GLI2: variants seen among roughly 807,000 people sequenced by gnomAD.
GLI2 encodes GLI family zinc finger 2.
In GLI2, 22 loss-of-function variants were observed where a neutral mutation model predicts 78.9. The ratio of observed to expected loss-of-function variants is 0.28; its 90% CI spans 0.20 to 0.40. The LOEUF (loss-of-function observed/expected upper bound fraction) is 0.40. Ranked by LOEUF, GLI2 falls within the 10% of genes least tolerant of loss-of-function variation. GLI2 has a pLI of 1.00. For synonymous variants in GLI2, 974 were observed against 963.7 expected (o/e 1.01, Z -0.20); for missense variants, 2,097 against 2,213.2 (o/e 0.95, Z 1.05).
intron 3 of GLI2, among the ~76,000 whole-genome samples, chr2:120,947,538 C>T (rs1190955819): frequency 1.3e-5 from 2 of 152,180 alleles, no homozygotes; most frequent in African/African-American, 2.4e-5. Context: ...TCATTGATGG[C>T]TACGATGGCC....
chr2:120,810,008 G>A (rs1371865349), intron 2 of GLI2, among the ~76,000 whole-genome samples: 1 of 152,248 alleles, frequency 6.6e-6, no homozygotes, highest in Non-Finnish European at 1.5e-5. Context: ...GAGCATTTCA[G>A]GGTGACCCTG....
intron 2 of GLI2, among the ~76,000 whole-genome samples, chr2:120,873,363 T>C (rs1688564866): frequency 6.6e-6 from 1 of 152,268 alleles, no homozygotes; most frequent in Non-Finnish European, 1.5e-5. Flanking sequence ...CATTTCATGT[T>C]AATGAAAACA....
At chr2:120,964,507 GGAGTTTGAAAGGAGA>G (rs1287035484) in intron 5 of GLI2, among the ~76,000 whole-genome samples, 1 of 152,218 alleles carries the variant, frequency 6.6e-6, no homozygotes, top group Non-Finnish European at 1.5e-5. Flanking sequence ...TGCTAGGGGT[GGAGTTTGAAAGGAGA>G]GATTTTGAGA....
intron 2 of GLI2, among the ~76,000 whole-genome samples, chr2:120,893,745 A>G (rs963250201): frequency 2.0e-5 from 3 of 152,128 alleles, no homozygotes; most frequent in African/African-American, 4.8e-5. Flanking sequence ...TAGCAAACTA[A>G]TGTGGACAGG....
chr2:120,973,902 G>C (rs907055824), intron 8 of GLI2, among the ~76,000 whole-genome samples: 1 of 152,104 alleles, frequency 6.6e-6, no homozygotes, highest in Admixed American at 6.5e-5. Context: ...TCCATTCCCA[G>C]AAAGGGACTC....
chr2:120,986,254 G>A (rs974436432), intron 12 of GLI2, 24 bp from the exon 13 acceptor site: 3 of 1,606,136 alleles, frequency 1.9e-6, no homozygotes, highest in Non-Finnish European at 2.6e-6. Context: ...CTGAGTCTGA[G>A]CCTTCTTGCC....
intron 2 of GLI2, among the ~76,000 whole-genome samples, chr2:120,862,147 T>C (rs922751032): frequency 2.0e-5 from 3 of 151,998 alleles, no homozygotes; most frequent in African/African-American, 7.3e-5. Flanking sequence ...TATGTAATGG[T>C]GAAGGGGAGG....
chr2:120,897,617 T>A (rs1244110482), intron 2 of GLI2, among the ~76,000 whole-genome samples: 5 of 152,188 alleles, frequency 3.3e-5, no homozygotes, highest in Non-Finnish European at 7.3e-5. Context: ...CTTACCTGTG[T>A]CATAACAAAG....
chr2:120,850,627 G>A (rs1687359302), intron 2 of GLI2, among the ~76,000 whole-genome samples: 1 of 152,194 alleles, frequency 6.6e-6, no homozygotes, highest in Non-Finnish European at 1.5e-5. Context: ...CCCCCAAGAA[G>A]GGAATGATAG....
chr2:120,900,591 A>G (rs988031660), intron 2 of GLI2, among the ~76,000 whole-genome samples: 7 of 152,190 alleles, frequency 4.6e-5, no homozygotes, highest in Non-Finnish European at 7.3e-5. Flanking sequence ...CCTTGGCCCT[A>G]TGAGGGTTCT....
At chr2:120,794,073 G>A (rs7604784) in intron 1 of GLI2, among the ~76,000 whole-genome samples, 63,834 of 152,178 alleles carry the variant, frequency 0.42, 15,545 homozygotes, top group African/African-American at 0.68. Context: ...GGGCCTGGCT[G>A]TGGGAATGCT....
chr2:120,862,689 T>C (rs1030869265), intron 2 of GLI2, among the ~76,000 whole-genome samples: 2 of 152,130 alleles, frequency 1.3e-5, no homozygotes, highest in African/African-American at 4.8e-5. Flanking sequence ...CACAATATCT[T>C]ATTCATTATC....
intron 1 of GLI2, among the ~76,000 whole-genome samples, chr2:120,778,747 A>T (rs1359890697): frequency 6.6e-6 from 1 of 152,210 alleles, no homozygotes; most frequent in Admixed American, 6.5e-5. Flanking sequence ...TGGCACACCC[A>T]TGGCCTCTGG....
At chr2:120,829,833 G>C (rs370648431) in intron 2 of GLI2, among the ~76,000 whole-genome samples, 1 of 152,172 alleles carries the variant, frequency 6.6e-6, no homozygotes, top group South Asian at 2.1e-4. Context: ...CAGGGCTGGG[G>C]GCACTCAGAG....
intron 1 of GLI2, among the ~76,000 whole-genome samples, chr2:120,761,529 C>A (rs1477650137): frequency 6.6e-6 from 1 of 152,150 alleles, no homozygotes; most frequent in Non-Finnish European, 1.5e-5. Context: ...GCAACTGGAA[C>A]CCAGAGGGGG....
intron 2 of GLI2, among the ~76,000 whole-genome samples, chr2:120,890,849 C>G (rs1248831010): frequency 6.6e-6 from 1 of 152,214 alleles, no homozygotes; most frequent in Non-Finnish European, 1.5e-5. Flanking sequence ...GGGCACGGGT[C>G]CCCCCAAAGC....
At chr2:120,756,935 T>C (rs1158283976) in intron 1 of GLI2, among the ~76,000 whole-genome samples, 1 of 152,234 alleles carries the variant, frequency 6.6e-6, no homozygotes, top group African/African-American at 2.4e-5. Context: ...ATATGCTCTT[T>C]TTTAATGTTT....
chr2:120,945,303 C>A (rs1680655177), intron 3 of GLI2, among the ~76,000 whole-genome samples: 1 of 152,254 alleles, frequency 6.6e-6, no homozygotes, highest in South Asian at 2.1e-4. Context: ...CACAAACACA[C>A]ACACACGAGG....
chr2:120,811,537 C>T (rs1003084123), intron 2 of GLI2, among the ~76,000 whole-genome samples: 21 of 152,146 alleles, frequency 1.4e-4, no homozygotes, highest in African/African-American at 4.1e-4. Context: ...AGAGGCTCAA[C>T]GAGGGGTGGA....
Sources: allele counts gnomAD v4.1 joint callset (sites outside exome capture counted in the v4.1 genomes callset), GRCh38; gene constraint gnomAD v4.1.1; transcripts MANE v1.5; gene names NCBI Gene and HGNC (gene_info 2026-07-23, HGNC 2026-07-21).